GGNBP2: variants seen among roughly 807,000 people sequenced by gnomAD.
The protein encoded by GGNBP2 is gametogenetin binding protein 2, also known as gametogenetin-binding protein 2.
Under a neutral mutation model 85.9 loss-of-function variants are expected in GGNBP2, and 10 were observed. The observed-to-expected ratio is 0.12, with a 90% CI of 0.07 to 0.20. The LOEUF (loss-of-function observed/expected upper bound fraction) is 0.20. GGNBP2 is among the 10% of genes least tolerant of loss of function. The pLI, the probability that GGNBP2 is intolerant of heterozygous loss-of-function variation, is 1.00. For missense variants in GGNBP2, 595 were observed against 857.8 expected (o/e 0.69, Z 3.83); for synonymous variants, 287 against 285.7 (o/e 1.00, Z -0.05).
Position 36,589,237 on chromosome 17 carries a change from A to G in GGNBP2, c.1920A>G (p.Glu640=), listed in dbSNP as rs773731324. The change falls in exon 14 of 14, where the codon GAA becomes GAG. Residue 640 remains glutamate (E), a synonymous_variant. Coordinates refer to ENST00000613102, the MANE Select transcript of GGNBP2 (RefSeq NM_024835.5). ...LDESECTSDE[E]IFISQDEIQS... ...AGTCTGAATGTACTTCAGATGAGGA[A>G]ATCTTTATCTCACAAGATGAAATAC... is the stretch of plus-strand genomic sequence containing the variant. The G allele has an allele frequency of 3.7e-5, 59 of 1,612,922 alleles. No homozygotes were observed. The highest frequency in any genetic ancestry group is 4.7e-5 in the Non-Finnish European group (55 of 1,179,202).
chr17:36,559,371 A>G (rs1031830123), intron 4 of GGNBP2, among the ~76,000 whole-genome samples: 1 of 151,860 alleles, frequency 6.6e-6, no homozygotes, highest in Non-Finnish European at 1.5e-5. Flanking sequence ...CTGAGGAGAA[A>G]TGTAACAGAG....
At chr17:36,586,952 TA>T in intron 12 of GGNBP2, 44 bp from the exon 13 acceptor site, 1 of 1,547,920 alleles carries the variant, frequency 6.5e-7, no homozygotes, top group Non-Finnish European at 8.8e-7. Flanking sequence ...TAATTGCTAT[TA>T]TATCATGCCT....
intron 5 of GGNBP2, 127 bp from the exon 6 acceptor site, chr17:36,567,536 T>C (rs1312662928): frequency 3.3e-6 from 2 of 606,176 alleles, no homozygotes; most frequent in Non-Finnish European, 6.0e-6. Context: ...ATAGGATCAT[T>C]TTCCATTATG....
At chr17:36,574,161 C>T (rs2074553585) in intron 6 of GGNBP2, among the ~76,000 whole-genome samples, 1 of 152,212 alleles carries the variant, frequency 6.6e-6, no homozygotes, top group Admixed American at 6.5e-5. Flanking sequence ...CAGTGATAGA[C>T]CACATATATG....
At chr17:36,550,863 G>T (rs911062734) in intron 2 of GGNBP2, among the ~76,000 whole-genome samples, 3 of 152,178 alleles carry the variant, frequency 2.0e-5, no homozygotes, top group Admixed American at 1.3e-4. Context: ...TTAAGGAAGT[G>T]GTTTTAAAGA....
intron 5 of GGNBP2, among the ~76,000 whole-genome samples, chr17:36,566,384 G>T (rs2074468779): frequency 1.3e-5 from 2 of 152,210 alleles, no homozygotes; most frequent in Non-Finnish European, 1.5e-5. Context: ...ATAGGGCTGG[G>T]CTTGGTGGCT....
chr17:36,558,480 A>G (rs1307349990), intron 4 of GGNBP2, among the ~76,000 whole-genome samples: 1 of 144,586 alleles, frequency 6.9e-6, no homozygotes, highest in Non-Finnish European at 1.5e-5. Context: ...TTTCAGACAG[A>G]GTTTCACTAT....
intron 4 of GGNBP2, among the ~76,000 whole-genome samples, chr17:36,558,653 G>A (rs1202079557): frequency 2.0e-5 from 3 of 151,188 alleles, no homozygotes; most frequent in Non-Finnish European, 4.4e-5. Flanking sequence ...ACAGGGTTTC[G>A]CTATGTTGGC....
At chr17:36,554,524 A>G (rs1177177269) in intron 2 of GGNBP2, among the ~76,000 whole-genome samples, 1 of 151,586 alleles carries the variant, frequency 6.6e-6, no homozygotes, top group African/African-American at 2.4e-5. Context: ...TGCGCCACCA[A>G]ACCTGCCTAA....
intron 2 of GGNBP2, among the ~76,000 whole-genome samples, chr17:36,548,615 CAAAAAAAAAAAAAAAAAAA>C (rs71159614): frequency 0.058 from 1,379 of 23,732 alleles, 42 homozygotes; most frequent in Middle Eastern, 0.18. Flanking sequence ...GACTCTGTCT[CAAAAAAAAAAAAAAAAAAA>C]AAAAAAAAAA....
intron 4 of GGNBP2, 77 bp downstream of exon 4, chr17:36,557,413 TGATGGAAA>T (rs2074373288): frequency 8.2e-7 from 1 of 1,215,164 alleles, no homozygotes; most frequent in Admixed American, 1.9e-5. Context: ...CTTATTTTCT[TGATGGAAA>T]GATTGAGTCT....
Position 36,583,933 on chromosome 17 carries a change from T to C in GGNBP2, c.1216-1367T>C, listed in dbSNP as rs73278833. ...GAATCCGTTGGACTATATTGGACTTTGAATAGATCTTTTACTCATGCATTG... is the reference window on the plus strand; with the variant it reads ...GAATCCGTTGGACTATATTGGACTTCGAATAGATCTTTTACTCATGCATTG... On this transcript the variant is annotated intron_variant, in intron 9 of 13. Transcript: ENST00000613102. Among the ~76,000 whole-genome samples, 673 of 152,378 alleles carry C rather than the reference T, an allele frequency of 4.4e-3. 8 individuals are homozygous for C. Among genetic ancestry groups the C allele is most frequent in the African/African-American group, 0.016 (660 of 41,590 alleles).
chr17:36,580,381 G>A lies in GGNBP2; in HGVS notation c.1020+962G>A, dbSNP rs188495872. 6.7e-4 allele frequency among the ~76,000 whole-genome samples: 101 copies of A among 150,956 alleles called. 1 individual carries two copies. Among genetic ancestry groups the A allele is most frequent in the Admixed American group, 1.5e-3 (23 of 15,204 alleles). On this transcript the variant is annotated intron_variant, in intron 8 of 13. Coordinates refer to ENST00000613102, the MANE Select transcript of GGNBP2 (RefSeq NM_024835.5). Reference sequence around the variant, plus strand: ...CGCCACCACGCTCGGCTAATTTTTTGTGTATTTTTAGTAGAGACAGGGTTT... The same window carrying A: ...CGCCACCACGCTCGGCTAATTTTTTATGTATTTTTAGTAGAGACAGGGTTT...
chr17:36,571,031 A>G (rs1555606702), intron 6 of GGNBP2, among the ~76,000 whole-genome samples: 1 of 152,166 alleles, frequency 6.6e-6, no homozygotes, highest in Non-Finnish European at 1.5e-5. Flanking sequence ...AAAGAAAAGT[A>G]TTACGGTAGA....
At chr17:36,552,464 C>T (rs976026924) in intron 2 of GGNBP2, among the ~76,000 whole-genome samples, 14 of 152,098 alleles carry the variant, frequency 9.2e-5, no homozygotes, top group African/African-American at 3.4e-4. Context: ...TTATTGATAG[C>T]TACAGCATTA....
chr17:36,588,020 T>C (rs2074719877), intron 13 of GGNBP2, among the ~76,000 whole-genome samples: 1 of 152,222 alleles, frequency 6.6e-6, no homozygotes, highest in South Asian at 2.1e-4. Flanking sequence ...TTTGCCTTTC[T>C]GATTGGCAAG....
chr17:36,560,626 A>G, intron 4 of GGNBP2, 147 bp from the exon 5 acceptor site: 2 of 499,384 alleles, frequency 4.0e-6, no homozygotes, highest in Non-Finnish European at 3.5e-6. Flanking sequence ...CGTGAGTGCC[A>G]GGCACACTGC....
chr17:36,557,018 A>C, intron 3 of GGNBP2, 65 bp from the exon 4 acceptor site: 1 of 1,579,512 alleles, frequency 6.3e-7, no homozygotes. Context: ...AGGAACCAGT[A>C]GTAGTGAAAG....
intron 6 of GGNBP2, among the ~76,000 whole-genome samples, chr17:36,569,598 G>T (rs753243778): frequency 3.3e-5 from 5 of 152,162 alleles, no homozygotes; most frequent in Non-Finnish European, 5.9e-5. Flanking sequence ...ACTTTATGTG[G>T]CAGTAAGCTA....
Sources: gnomAD v4.1 joint callset for allele counts (sites outside exome capture counted in the v4.1 genomes callset) on GRCh38, gnomAD v4.1.1 for gene constraint, MANE v1.5 for transcripts, NCBI Gene and HGNC (gene_info 2026-07-23, HGNC 2026-07-21) for gene names.